CFAP44: variants seen among roughly 807,000 people sequenced by gnomAD.
CFAP44 encodes the protein cilia- and flagella-associated protein 44.
A neutral mutation model predicts 216.2 loss-of-function variants in CFAP44; 134 were observed. The ratio of observed to expected loss-of-function variants is 0.62; its 90% CI spans 0.54 to 0.72. CFAP44 has a LOEUF of 0.72. Ranked by LOEUF, CFAP44 falls within the 30% of genes least tolerant of loss-of-function variation. CFAP44 has a pLI of 0.00. For synonymous variants in CFAP44, 700 were observed against 727.6 expected, an observed-to-expected ratio of 0.96 and a Z score of 0.61; for missense variants, 2,035 against 2,182.1, an observed-to-expected ratio of 0.93 and a Z score of 1.34.
chr3:113,334,240 A>G (rs2107813738), intron 24 of CFAP44, among the ~76,000 whole-genome samples: 1 of 152,308 alleles, frequency 6.6e-6, no homozygotes. Flanking sequence ...GTGAGCCATC[A>G]TGCCCAGAAA....
At chr3:113,352,483 C>T (rs1308871901) in intron 22 of CFAP44, among the ~76,000 whole-genome samples, 1 of 152,132 alleles carries the variant, frequency 6.6e-6, no homozygotes, top group African/African-American at 2.4e-5. Flanking sequence ...CTGGAAGGAA[C>T]CAACTCCAAA....
At chr3:113,294,563 G>T (rs1181946182) in intron 34 of CFAP44, 124 bp downstream of exon 34, 2 of 1,275,580 alleles carry the variant, frequency 1.6e-6, no homozygotes, top group Non-Finnish European at 2.1e-6. Context: ...GACGCAGATG[G>T]TCTGGAAGTG....
chr3:113,310,637 G>C (rs906593694), intron 28 of CFAP44, among the ~76,000 whole-genome samples: 1 of 152,196 alleles, frequency 6.6e-6, no homozygotes, highest in African/African-American at 2.4e-5. Context: ...TTGGATCTGT[G>C]TTCCCACCAA....
chr3:113,366,459 T>C lies in CFAP44; in HGVS notation c.2445-150A>G, dbSNP rs1932938895. 4.6e-6 allele frequency: 4 copies of C among 872,670 alleles called. 1 individual carries two copies. The highest frequency in any genetic ancestry group is 6.9e-6 in the Non-Finnish European group (4 of 582,664). 54.1% of individuals were successfully genotyped at this position (872,670 alleles called of 1,614,324 possible). A position where few individuals can be genotyped will look rare whatever the true frequency, so the allele number is the denominator to read the frequency against. The stretch of plus-strand genomic sequence containing the variant: ...ATTCCTATATTGAAGCCCTAACCCC[T>C]AATACTTCAGAATGTAACTGCATTG... On this transcript the variant is annotated intron_variant, in intron 18 of 34. Coordinates refer to ENST00000393845, the MANE Select transcript of CFAP44 (RefSeq NM_001164496.2).
intron 9 of CFAP44, among the ~76,000 whole-genome samples, chr3:113,402,243 A>T (rs1037780773): frequency 2.0e-5 from 3 of 152,230 alleles, no homozygotes; most frequent in Non-Finnish European, 4.4e-5. Context: ...CTCTTCCTGA[A>T]TATTAATATT....
chr3:113,342,795 C>T (rs1039595318), intron 23 of CFAP44, among the ~76,000 whole-genome samples: 1 of 151,556 alleles, frequency 6.6e-6, no homozygotes, highest in Admixed American at 6.6e-5. Context: ...AGTTCAAGAC[C>T]AGCCTGGGCA....
At chr3:113,409,046 T>C in intron 7 of CFAP44, 60 bp downstream of exon 7, 1 of 803,458 alleles carries the variant, frequency 1.2e-6, no homozygotes, top group South Asian at 2.1e-5. Context: ...AGCTCTTAGA[T>C]CCTCTTAGAA....
At chr3:113,302,457 T>TAAAAAAAAAAAAAAAAAAAAAAAAAAA (rs60866565) in intron 32 of CFAP44, among the ~76,000 whole-genome samples, 5 of 75,812 alleles carry the variant, frequency 6.6e-5, no homozygotes, top group Non-Finnish European at 8.5e-5. Context: ...CTAGACAAAG[T>TAAAAAAAAAAAAAAAAAAAAAAAAAAA]AAAAAAAAAA....
chr3:113,345,192 CATAG>C (rs1950369655), intron 22 of CFAP44, among the ~76,000 whole-genome samples: 1 of 149,502 alleles, frequency 6.7e-6, no homozygotes, highest in South Asian at 2.1e-4. Flanking sequence ...TGTTTTGATG[CATAG>C]ATATACAAAT....
chr3:113,429,211 C>G (rs1206549144), intron 2 of CFAP44: 1 of 152,078 alleles, frequency 6.6e-6, no homozygotes, highest in African/African-American at 2.4e-5. Flanking sequence ...GTAACTAGTA[C>G]TAAGCTGCTT....
intron 22 of CFAP44, among the ~76,000 whole-genome samples, chr3:113,355,486 C>A (rs1443119476): frequency 2.0e-5 from 3 of 152,194 alleles, no homozygotes; most frequent in Non-Finnish European, 4.4e-5. Context: ...CGCCACTACA[C>A]TCCAGCCTGG....
At position 113,420,031 on chromosome 3, in the gene CFAP44, T is replaced by C. The variant is rs1472566011; in HGVS notation, c.556A>G (p.Ile186Val). The C allele has an allele frequency of 2.5e-6, 4 of 1,613,290 alleles. No homozygotes were observed. The highest frequency in any genetic ancestry group is 3.4e-6 in the Non-Finnish European group (4 of 1,179,752). ...TGAAGGCATACCCCAATGACGCCAA[T>C]TCCTTCACCACTGCTACTTCGCAGG... The part of the protein sequence containing the change: ...IYLRSSSGEG[I>V]GVIGVHPHKT... The change falls in exon 5 of 35, where the codon ATT becomes GTT. Residue 186 changes from isoleucine to valine, a missense_variant. Ile to Val is a conservative substitution (Grantham distance 29). Around this residue, in one of 3 missense-constraint regions of CFAP44, gnomAD observed 1,883 missense variants for 2,023.7 expected, o/e 0.93. Transcript: ENST00000393845.
At chr3:113,366,583 G>T (rs1272720294) in intron 18 of CFAP44, among the ~76,000 whole-genome samples, 1 of 152,114 alleles carries the variant, frequency 6.6e-6, no homozygotes, top group East Asian at 1.9e-4. Flanking sequence ...AGATATCAAA[G>T]GGGGTCACTT....
At chr3:113,403,496 T>A (rs1934195022) in intron 9 of CFAP44, among the ~76,000 whole-genome samples, 1 of 152,198 alleles carries the variant, frequency 6.6e-6, no homozygotes, top group African/African-American at 2.4e-5. Context: ...TAACAAATGT[T>A]CAGCACCTTT....
At chr3:113,379,985 A>T (rs1394199024) in intron 16 of CFAP44, among the ~76,000 whole-genome samples, 1 of 152,014 alleles carries the variant, frequency 6.6e-6, no homozygotes, top group Non-Finnish European at 1.5e-5. Flanking sequence ...ATCTTTTACT[A>T]CTTCATTCTG....
At chr3:113,318,367 C>G (rs1950108818) in intron 28 of CFAP44, among the ~76,000 whole-genome samples, 1 of 152,056 alleles carries the variant, frequency 6.6e-6, no homozygotes, top group Non-Finnish European at 1.5e-5. Flanking sequence ...TTCTTTGAAT[C>G]AACTCAGACA....
intron 17 of CFAP44, among the ~76,000 whole-genome samples, 184 bp downstream of exon 17, chr3:113,379,122 A>G (rs1933435047): frequency 6.6e-6 from 1 of 152,170 alleles, no homozygotes; most frequent in Admixed American, 6.6e-5. Context: ...ATTATTTAAA[A>G]ACAACTATAT....
At chr3:113,326,230 CAT>C (rs1467814825) in intron 28 of CFAP44, among the ~76,000 whole-genome samples, 1 of 152,204 alleles carries the variant, frequency 6.6e-6, no homozygotes, top group African/African-American at 2.4e-5. Context: ...TACACATAAA[CAT>C]GTGCACACAT....
intron 24 of CFAP44, among the ~76,000 whole-genome samples, chr3:113,334,009 T>C (rs180822873): frequency 2.0e-5 from 3 of 151,796 alleles, no homozygotes; most frequent in Non-Finnish European, 4.4e-5. Context: ...CTGGAGTGAA[T>C]TGTGTGATCT....
Sources: allele counts gnomAD v4.1 joint callset (sites outside exome capture counted in the v4.1 genomes callset), GRCh38; gene constraint gnomAD v4.1.1; regional missense constraint gnomAD v4.1.1; transcripts MANE v1.5; gene names NCBI Gene and HGNC (gene_info 2026-07-23, HGNC 2026-07-21).